Variants in HDX observed in about 807,000 individuals in gnomAD.
The protein encoded by HDX is highly divergent homeobox.
HDX carries 19 observed loss-of-function variants against 45.2 expected under a neutral mutation model. The ratio of observed to expected loss-of-function variants is 0.42; its 90% CI spans 0.29 to 0.62. HDX has a LOEUF of 0.62. Ranked by LOEUF, HDX falls within the 20% of genes least tolerant of loss-of-function variation. HDX has a pLI of 0.20. For missense variants in HDX, 532 were observed against 493.9 expected, an observed-to-expected ratio of 1.08 and a Z score of -0.73; for synonymous variants, 188 against 172.8, an observed-to-expected ratio of 1.09 and a Z score of -0.69.
intron 2 of HDX, among the ~76,000 whole-genome samples, chrX:84,477,145 A>G (rs2040573606): frequency 9.0e-6 from 1 of 111,282 alleles, no homozygotes; most frequent in African/African-American, 3.3e-5. Flanking sequence ...GAGAAGAGCC[A>G]GAAGATGGAG....
chrX:84,329,122 G>A (rs896879825), intron 9 of HDX, among the ~76,000 whole-genome samples: 3 of 111,979 alleles, frequency 2.7e-5, no homozygotes, highest in African/African-American at 6.5e-5. Context: ...AAGGCTCCAG[G>A]TAGTAGGCTT....
chrX:84,447,431 A>T (rs1278557219), intron 4 of HDX, among the ~76,000 whole-genome samples: 1 of 111,501 alleles, frequency 9.0e-6, no homozygotes, highest in Non-Finnish European at 1.9e-5. Flanking sequence ...GTAAAGAATA[A>T]GCGAGTGACA....
chrX:84,462,372 G>A (rs952123575), intron 4 of HDX, among the ~76,000 whole-genome samples: 2 of 111,799 alleles, frequency 1.8e-5, no homozygotes, highest in Non-Finnish European at 3.8e-5. Context: ...TGACACAACA[G>A]AGATGGAACT....
At chrX:84,420,555 G>A (rs763470810) in intron 5 of HDX, among the ~76,000 whole-genome samples, 66 of 112,131 alleles carry the variant, frequency 5.9e-4, no homozygotes, top group African/African-American at 2.0e-3. Flanking sequence ...TAGAGAAAGA[G>A]ATAGGAGTGC....
chrX:84,340,876 C>T (rs1037668545), intron 7 of HDX, among the ~76,000 whole-genome samples: 1 of 111,239 alleles, frequency 9.0e-6, no homozygotes, highest in African/African-American at 3.3e-5. Context: ...AATTCTCTTT[C>T]TTCTTTTTCT....
chrX:84,435,191 T>C (rs1361762557), intron 5 of HDX, among the ~76,000 whole-genome samples: 1 of 111,435 alleles, frequency 9.0e-6, no homozygotes, highest in Non-Finnish European at 1.9e-5. Flanking sequence ...TCTTTCCTTC[T>C]ACTAATTTTG....
intron 5 of HDX, among the ~76,000 whole-genome samples, chrX:84,386,312 T>C (rs2038319581): frequency 9.0e-6 from 1 of 110,929 alleles, no homozygotes; most frequent in Admixed American, 9.6e-5. Context: ...GGCCCTATTT[T>C]TTTTCTTCAT....
intron 5 of HDX, among the ~76,000 whole-genome samples, chrX:84,415,868 C>T (rs779401974): frequency 2.7e-5 from 3 of 111,644 alleles, no homozygotes; most frequent in East Asian, 5.7e-4. Flanking sequence ...ATGAATAGAA[C>T]GTTAAAAACA....
rs745680082 is a variant in HDX, at chrX:84,380,282, G to C, written c.1306-18670C>G. Among the ~76,000 whole-genome samples, 4 of 108,957 alleles carry C rather than the reference G, an allele frequency of 3.7e-5. No homozygotes were observed. The East Asian group carries it at 1.1e-3, about 31-fold the overall frequency. The allele number at this position is 108,957 out of a possible 115,157, so 94.6% of individuals were successfully genotyped here. On this transcript the variant is annotated intron_variant, in intron 5 of 10. Coordinates refer to ENST00000373177, the MANE Select transcript of HDX (RefSeq NM_001177479.2). ...CCCAGTGGTTTCACTGCTCAATTTT[G>C]GCAAACATTTAATAAAGACCTAGTA... is the stretch of plus-strand genomic sequence containing the variant.
At chrX:84,478,085 G>T (rs1461132566) in intron 2 of HDX, among the ~76,000 whole-genome samples, 1 of 111,850 alleles carries the variant, frequency 8.9e-6, no homozygotes, top group African/African-American at 3.3e-5. Context: ...ACTACTCTGG[G>T]TTGATACAAG....
At chrX:84,464,046 G>A (rs2040293799) in intron 4 of HDX, among the ~76,000 whole-genome samples, 2 of 111,304 alleles carry the variant, frequency 1.8e-5, no homozygotes, top group Admixed American at 1.9e-4. Flanking sequence ...ACACAGAAAA[G>A]AGGCAGCTAT....
rs181154507 is a variant in HDX, at chrX:84,446,966, A to G, written c.1252-6381T>C. Among the ~76,000 whole-genome samples the G allele has an allele frequency of 3.5e-4, 39 of 111,448 alleles. 1 individual carries two copies. Among genetic ancestry groups the G allele is most frequent in the African/African-American group, 1.1e-3 (35 of 30,649 alleles). ...GTCTGCCTGAGGAATTTGTCTCTTT[A>G]TCTCCTAATTTGGAGTTTAGACAGC... On this transcript the variant is annotated intron_variant, in intron 4 of 10. Coordinates refer to ENST00000373177, the MANE Select transcript of HDX (RefSeq NM_001177479.2).
intron 8 of HDX, among the ~76,000 whole-genome samples, 165 bp from the exon 9 acceptor site, chrX:84,334,007 G>C (rs2036900746): frequency 9.0e-6 from 1 of 110,734 alleles, no homozygotes; most frequent in Non-Finnish European, 1.9e-5. Context: ...GTGTGTGTCT[G>C]AGCCACCTCC....
Position 84,479,442 on chromosome X carries a change from G to A in HDX, c.1-4045C>T, listed in dbSNP as rs1394324726. On this transcript the variant is annotated intron_variant, in intron 2 of 10. Coordinates refer to ENST00000373177, the MANE Select transcript of HDX (RefSeq NM_001177479.2). ...TATTTTATTGTATTAATGTACCACAGTTAATTCATCCACTGAAGGACATTG... is the reference window on the plus strand; with the variant it reads ...TATTTTATTGTATTAATGTACCACAATTAATTCATCCACTGAAGGACATTG... Among the ~76,000 whole-genome samples the A allele has an allele frequency of 2.7e-5, 3 of 111,888 alleles. No individual in the cohort carries two copies. In the Admixed American group the frequency reaches 2.9e-4, roughly 11 times the overall value.
intron 2 of HDX, among the ~76,000 whole-genome samples, chrX:84,486,505 G>C (rs1395263316): frequency 9.0e-6 from 1 of 111,038 alleles, no homozygotes; most frequent in African/African-American, 3.3e-5. Context: ...CATTCAGCCT[G>C]AAGAATTTAC....
intron 5 of HDX, among the ~76,000 whole-genome samples, chrX:84,386,131 T>C (rs1175386768): frequency 4.5e-5 from 5 of 111,646 alleles, no homozygotes; most frequent in Non-Finnish European, 7.5e-5. Flanking sequence ...TTTATTTTAA[T>C]TCTCTTCACA....
At chrX:84,492,004 T>A (rs751943671) in intron 1 of HDX, among the ~76,000 whole-genome samples, 7 of 111,412 alleles carry the variant, frequency 6.3e-5, no homozygotes, top group Admixed American at 1.9e-4. Flanking sequence ...TCTCTCCATA[T>A]GCAGTTTTCT....
chrX:84,359,532 T>G (rs2037568640), intron 6 of HDX, among the ~76,000 whole-genome samples: 1 of 111,908 alleles, frequency 8.9e-6, no homozygotes, highest in Non-Finnish European at 1.9e-5. Flanking sequence ...TCATTCCTTT[T>G]TATAGCTGCA....
chrX:84,374,290 C>T (rs747868458), intron 5 of HDX, among the ~76,000 whole-genome samples: 3 of 109,793 alleles, frequency 2.7e-5, no homozygotes, highest in South Asian at 7.8e-4. Flanking sequence ...ACATTCCATG[C>T]TCATGGGTAG....
Sources: gnomAD v4.1 joint callset for allele counts (sites outside exome capture counted in the v4.1 genomes callset) on GRCh38, gnomAD v4.1.1 for gene constraint, MANE v1.5 for transcripts, NCBI Gene and HGNC (gene_info 2026-07-23, HGNC 2026-07-21) for gene names.